GALNT18: variants seen among roughly 807,000 people sequenced by gnomAD.
The protein encoded by GALNT18 is GalNAc-transferase 18.
In GALNT18, 44 loss-of-function variants were observed where a neutral mutation model predicts 69.5. That is an observed-to-expected ratio of 0.63 (90% CI 0.50 to 0.81). The LOEUF is 0.81. GALNT18 is among the 40% of genes least tolerant of loss of function. The probability of loss-of-function intolerance (pLI) is 0.00; values close to 1 mark genes in which losing one functional copy is unlikely to be tolerated. For missense variants in GALNT18, 715 were observed against 810.0 expected (o/e 0.88, Z 1.42); for synonymous variants, 364 against 318.2 (o/e 1.14, Z -1.53).
In GALNT18 at chr11:11,538,755, G is replaced by C. The variant is rs1337114691; in HGVS notation, c.235+82604C>G. 6.6e-6 allele frequency among the ~76,000 whole-genome samples: 1 copy of C among 152,118 alleles called. No homozygotes were observed. The highest frequency in any genetic ancestry group is 1.5e-5 in the Non-Finnish European group (1 of 68,020). On this transcript the variant is annotated intron_variant, in intron 1 of 10. Transcript: ENST00000227756. The surrounding 1 kb of genome is among the most constrained non-coding windows in gnomAD (Gnocchi z 5.2). Reference sequence around the variant, plus strand: ...GAAGGATTAAGTGAGGCGCCATCTGGGAAGCACCTGGCCCCAGGGCCTGCA... The same window carrying C: ...GAAGGATTAAGTGAGGCGCCATCTGCGAAGCACCTGGCCCCAGGGCCTGCA...
intron 3 of GALNT18, among the ~76,000 whole-genome samples, chr11:11,381,995 A>T (rs914173641): frequency 1.3e-5 from 2 of 152,232 alleles, no homozygotes; most frequent in Non-Finnish European, 2.9e-5. Context: ...TGCACAGGAA[A>T]TGCAATCAGA....
chr11:11,308,893 C>A (rs1433332020), intron 9 of GALNT18, among the ~76,000 whole-genome samples: 1 of 152,062 alleles, frequency 6.6e-6, no homozygotes, highest in African/African-American at 2.4e-5. Flanking sequence ...CCACTTTAGC[C>A]CACCCACACC....
rs1855371037 is a variant in GALNT18, at chr11:11,435,195, G to T, written c.429-2408C>A. On this transcript the variant is annotated intron_variant, in intron 2 of 10. Coordinates refer to ENST00000227756, the MANE Select transcript of GALNT18 (RefSeq NM_198516.3). The surrounding 1 kb of genome is among the most constrained non-coding windows in gnomAD (Gnocchi z 4.4). ...CCACGGGGTCTGCACTGCGTTCCCAGAGCCTCAGTATCCAAATTTCCAGGG... is the reference window on the plus strand; with the variant it reads ...CCACGGGGTCTGCACTGCGTTCCCATAGCCTCAGTATCCAAATTTCCAGGG... Among the ~76,000 whole-genome samples the T allele has an allele frequency of 1.3e-5, 2 of 152,156 alleles. No individual in the cohort carries two copies. The highest frequency in any genetic ancestry group is 2.1e-4 in the South Asian group (1 of 4,830).
rs1285518234 is a variant in GALNT18, at chr11:11,463,565, T to C, written c.236-14629A>G. Among the ~76,000 whole-genome samples, 1 of 152,154 alleles carries C rather than the reference T, an allele frequency of 6.6e-6. No individual in the cohort carries two copies. The highest frequency in any genetic ancestry group is 1.9e-4 in the East Asian group (1 of 5,180). On this transcript the variant is annotated intron_variant, in intron 1 of 10. Transcript: ENST00000227756. This position sits in a 1 kb window ranked among gnomAD's most constrained non-coding sequence, Gnocchi z 4.2. ...AGCGTGCCATCACTCCCAGCAGCTG[T>C]CGGCTCACTGGACGTCTTTTCATTA...
chr11:11,373,534 G>A (rs1398582739), intron 5 of GALNT18, among the ~76,000 whole-genome samples: 1 of 152,196 alleles, frequency 6.6e-6, no homozygotes, highest in South Asian at 2.1e-4. Flanking sequence ...TGACCTTAAG[G>A]TACCTGTGTG....
chr11:11,450,474 C>T (rs950265518), intron 1 of GALNT18, among the ~76,000 whole-genome samples: 3 of 152,126 alleles, frequency 2.0e-5, no homozygotes, highest in Admixed American at 2.0e-4. Flanking sequence ...TGGCAGGAAG[C>T]CTCCATCACC....
At chr11:11,550,067 G>A (rs2133967673) in intron 1 of GALNT18, among the ~76,000 whole-genome samples, 2 of 152,332 alleles carry the variant, frequency 1.3e-5, no homozygotes, top group South Asian at 4.1e-4. Context: ...TCTGATGGCA[G>A]CCCTAGAGAG....
chr11:11,289,465 G>T (rs551422535), intron 10 of GALNT18, among the ~76,000 whole-genome samples: 6 of 152,326 alleles, frequency 3.9e-5, no homozygotes, highest in African/African-American at 1.2e-4. Flanking sequence ...TGCTATGTCT[G>T]TTTAAACAGG....
Position 11,271,024 on chromosome 11 carries a change from C to G in GALNT18, c.*120G>C. The G allele has an allele frequency of 1.3e-6, 1 of 795,842 alleles. No individual in the cohort carries two copies. The highest frequency in any genetic ancestry group is 2.6e-5 in the East Asian group (1 of 38,754). The allele number at this position is 795,842 out of a possible 1,614,324, so 49.3% of individuals were successfully genotyped here. ...AAAATTGAATAGGAAATAAAAAGCT[C>G]TTCTTGGGGGCCCACTAACCTGGTT... On this transcript the variant is annotated 3_prime_UTR_variant, in exon 11 of 11. Transcript: ENST00000227756.
Position 11,511,945 on chromosome 11 carries a change from T to A in GALNT18, c.236-63009A>T, listed in dbSNP as rs1002718474. Reference sequence around the variant, plus strand: ...GGTGCTTTGTTACAGCAGCTCAAACTGATCAACACATATACATATGTATAT... The same window carrying A: ...GGTGCTTTGTTACAGCAGCTCAAACAGATCAACACATATACATATGTATAT... On this transcript the variant is annotated intron_variant, in intron 1 of 10. Coordinates refer to ENST00000227756, the MANE Select transcript of GALNT18 (RefSeq NM_198516.3). This position sits in a 1 kb window ranked among gnomAD's most constrained non-coding sequence, Gnocchi z 4.9. Among the ~76,000 whole-genome samples the A allele has an allele frequency of 1.3e-5, 2 of 152,152 alleles. No individual in the cohort carries two copies. The highest frequency in any genetic ancestry group is 2.9e-5 in the Non-Finnish European group (2 of 68,032).
rs1364565449 is a variant in GALNT18 at position 11,376,487 on chromosome 11, C to CT, written c.977+694dup. On this transcript the variant is annotated intron_variant, in intron 5 of 10. Coordinates refer to ENST00000227756, the MANE Select transcript of GALNT18 (RefSeq NM_198516.3). The stretch of plus-strand genomic sequence containing the variant: ...CCACACAAGGGAGTCATTCATGAGT[C>CT]TAGGAAGATGGCAGCAAAGGCAGGA... Among the ~76,000 whole-genome samples the CT allele has an allele frequency of 1.2e-4, 19 of 152,324 alleles. No individual in the cohort carries two copies. In the East Asian group the frequency reaches 3.7e-3, roughly 29 times the overall value.
chr11:11,333,374 G>A lies in GALNT18; in HGVS notation c.1279-543C>T, dbSNP rs140736996. ...TATATTTATTTACTTCTATTTATACGTATGTATTTTGTCCCACTCATACTT... is the reference window on the plus strand; with the variant it reads ...TATATTTATTTACTTCTATTTATACATATGTATTTTGTCCCACTCATACTT... On this transcript the variant is annotated intron_variant, in intron 7 of 10. Coordinates refer to ENST00000227756, the MANE Select transcript of GALNT18 (RefSeq NM_198516.3). 3.6e-3 allele frequency among the ~76,000 whole-genome samples: 549 copies of A among 152,144 alleles called. 2 individuals are homozygous for A. The highest frequency in any genetic ancestry group is 0.013 in the African/African-American group (524 of 41,506).
Position 11,318,783 on chromosome 11 carries a change from G to GGAA in GALNT18, c.1512+8300_1512+8302dup, listed in dbSNP as rs1477995007. Among the ~76,000 whole-genome samples the GGAA allele has an allele frequency of 2.0e-5, 3 of 152,160 alleles. No homozygotes were observed. Among genetic ancestry groups the GGAA allele is most frequent in the Non-Finnish European group, 4.4e-5 (3 of 68,042 alleles). Reference sequence around the variant, plus strand: ...TAGAAATAAGGCAAAAACAAAGAGGGGAAGTGGCCTGTCCTTTTAATATTA... The same window carrying GGAA: ...TAGAAATAAGGCAAAAACAAAGAGGGGAAGAAGTGGCCTGTCCTTTTAATATTA... On this transcript the variant is annotated intron_variant, in intron 9 of 10. Coordinates refer to ENST00000227756, the MANE Select transcript of GALNT18 (RefSeq NM_198516.3). The surrounding 1 kb of genome is among the most constrained non-coding windows in gnomAD (Gnocchi z 5.1).
At position 11,616,776 on chromosome 11, in the gene GALNT18, C is replaced by T. The variant is rs1239438706; in HGVS notation, c.235+4583G>A. 6.6e-6 allele frequency among the ~76,000 whole-genome samples: 1 copy of T among 152,190 alleles called. No homozygotes were observed. The highest frequency in any genetic ancestry group is 6.5e-5 in the Admixed American group (1 of 15,284). Reference sequence around the variant, plus strand: ...CTGGGTTTGTTCTCAAACGTGTTTACACTATTTGTACTTGTCACTGTAACG... The same window carrying T: ...CTGGGTTTGTTCTCAAACGTGTTTATACTATTTGTACTTGTCACTGTAACG... On this transcript the variant is annotated intron_variant, in intron 1 of 10. Transcript: ENST00000227756. This position sits in a 1 kb window ranked among gnomAD's most constrained non-coding sequence, Gnocchi z 4.4.
intron 9 of GALNT18, among the ~76,000 whole-genome samples, chr11:11,308,367 G>C (rs1245306431): frequency 6.6e-6 from 1 of 152,048 alleles, no homozygotes; most frequent in Non-Finnish European, 1.5e-5. Context: ...TTTAATTTTT[G>C]TCTTTGTGGG....
intron 1 of GALNT18, among the ~76,000 whole-genome samples, chr11:11,520,396 C>A (rs1274839107): frequency 6.6e-6 from 1 of 152,206 alleles, no homozygotes. Flanking sequence ...GTGAGCATGC[C>A]CACTGCACCC....
In GALNT18 at chr11:11,340,789, G is replaced by A. The variant is rs756342470; in HGVS notation, c.1278+30C>T. 1.8e-5 allele frequency: 28 copies of A among 1,572,778 alleles called. No individual in the cohort carries two copies. Among genetic ancestry groups the A allele is most frequent in the Middle Eastern group, 1.7e-4 (1 of 5,862 alleles). On this transcript the variant is annotated intron_variant, in intron 7 of 10. Coordinates refer to ENST00000227756, the MANE Select transcript of GALNT18 (RefSeq NM_198516.3). The surrounding 1 kb of genome is among the most constrained non-coding windows in gnomAD (Gnocchi z 4.2). ...TTTTGTTTGTTTTCCACCAATCCCC[G>A]AGAAACTCATCCCTACCGGAGATCC... is the stretch of plus-strand genomic sequence containing the variant.
rs1267560434 is a variant in GALNT18 at position 11,469,821 on chromosome 11, G to C, written c.236-20885C>G. Among the ~76,000 whole-genome samples the C allele has an allele frequency of 6.6e-6, 1 of 152,078 alleles. No homozygotes were observed. The highest frequency in any genetic ancestry group is 1.5e-5 in the Non-Finnish European group (1 of 68,026). On this transcript the variant is annotated intron_variant, in intron 1 of 10. Transcript: ENST00000227756. This position sits in a 1 kb window ranked among gnomAD's most constrained non-coding sequence, Gnocchi z 4.2. ...GGGCTCAGGTGGCAGTTAGACATGG[G>C]GCCTTTTCCAAGGACCCCCTCAGCC...
rs1190773029 is a variant in GALNT18 at position 11,616,755 on chromosome 11, G to A, written c.235+4604C>T. Among the ~76,000 whole-genome samples, 1 of 152,156 alleles carries A rather than the reference G, an allele frequency of 6.6e-6. No homozygotes were observed. The highest frequency in any genetic ancestry group is 1.9e-4 in the East Asian group (1 of 5,194). On this transcript the variant is annotated intron_variant, in intron 1 of 10. Transcript: ENST00000227756. This position sits in a 1 kb window ranked among gnomAD's most constrained non-coding sequence, Gnocchi z 4.4. Reference sequence around the variant, plus strand: ...TTTACACTTACCAGTGGTCCACTGGGTTTGTTCTCAAACGTGTTTACACTA... The same window carrying A: ...TTTACACTTACCAGTGGTCCACTGGATTTGTTCTCAAACGTGTTTACACTA...
Sources: gnomAD v4.1 joint callset for allele counts (sites outside exome capture counted in the v4.1 genomes callset) on GRCh38, gnomAD v4.1.1 for gene constraint, Gnocchi (gnomAD v3.1) non-coding constraint, MANE v1.5 for transcripts, NCBI Gene and HGNC (gene_info 2026-07-23, HGNC 2026-07-21) for gene names.